Variants in NFATC2 observed in about 807,000 individuals in gnomAD.
NFATC2 encodes nuclear factor of activated T cells 2.
NFATC2 carries 22 observed loss-of-function variants against 87.3 expected under a neutral mutation model. The ratio of observed to expected loss-of-function variants is 0.25; its 90% CI spans 0.18 to 0.36. The LOEUF is 0.36. NFATC2 is among the 10% of genes least tolerant of loss of function. NFATC2 has a pLI of 1.00. For missense variants in NFATC2, 1,149 were observed against 1,259.1 expected, an observed-to-expected ratio of 0.91 and a Z score of 1.32; for synonymous variants, 565 against 542.2, an observed-to-expected ratio of 1.04 and a Z score of -0.58.
chr20:51,439,975 G>T (rs904973661), intron 6 of NFATC2, among the ~76,000 whole-genome samples: 1 of 152,196 alleles, frequency 6.6e-6, no homozygotes, highest in Non-Finnish European at 1.5e-5. Flanking sequence ...AGTGGCTCAC[G>T]CCTGTGATCC....
At position 51,395,745 on chromosome 20, in the gene NFATC2, T is replaced by TTTATATATAAAGAGGTGTTTC. The variant is rs550462684; in HGVS notation, c.*44+2877_*44+2897dup. Among the ~76,000 whole-genome samples the TTTATATATAAAGAGGTGTTTC allele has an allele frequency of 5.5e-3, 840 of 152,142 alleles. 6 individuals are homozygous for TTTATATATAAAGAGGTGTTTC. The highest frequency in any genetic ancestry group is 0.019 in the African/African-American group (793 of 41,490). On this transcript the variant is annotated intron_variant, in intron 10 of 10. Transcript: ENST00000371564. ...ATTTTCAGTATATATGACAAAGTCA[T>TTTATATATAAAGAGGTGTTTC]TTATATATAAAGAGGTGTTTCAACT...
At chr20:51,452,100 A>G (rs1985864361) in intron 6 of NFATC2, among the ~76,000 whole-genome samples, 1 of 152,004 alleles carries the variant, frequency 6.6e-6, no homozygotes, top group Non-Finnish European at 1.5e-5. Flanking sequence ...CCTAGAGCAG[A>G]CTTTACCTTC....
At chr20:51,485,605 G>A (rs1341398460) in intron 3 of NFATC2, among the ~76,000 whole-genome samples, 1 of 151,832 alleles carries the variant, frequency 6.6e-6, no homozygotes, top group East Asian at 1.9e-4. Flanking sequence ...CAGAACCAGT[G>A]TAACACTGAG....
intron 6 of NFATC2, among the ~76,000 whole-genome samples, chr20:51,449,221 T>C (rs1319210748): frequency 6.6e-6 from 1 of 152,052 alleles, no homozygotes; most frequent in Non-Finnish European, 1.5e-5. Context: ...TCCATGGAGA[T>C]GGGAACGGGG....
chr20:51,445,288 A>C (rs1390241551), intron 6 of NFATC2, among the ~76,000 whole-genome samples: 1 of 152,018 alleles, frequency 6.6e-6, no homozygotes, highest in Non-Finnish European at 1.5e-5. Context: ...CCCTAAGCTC[A>C]TCTCCACGCT....
chr20:51,418,220 G>A (rs531097264), intron 9 of NFATC2, among the ~76,000 whole-genome samples: 8 of 152,280 alleles, frequency 5.3e-5, no homozygotes, highest in South Asian at 2.1e-4. Context: ...CTCCTTCCCC[G>A]AAACACACAT....
chr20:51,436,827 C>T (rs77577225), intron 6 of NFATC2, among the ~76,000 whole-genome samples: 28 of 152,298 alleles, frequency 1.8e-4, no homozygotes, highest in Admixed American at 4.6e-4. Flanking sequence ...GTTAGAGAAG[C>T]GCCATGACAG....
At chr20:51,494,261 G>A (rs1348980480) in intron 3 of NFATC2, among the ~76,000 whole-genome samples, 3 of 152,084 alleles carry the variant, frequency 2.0e-5, no homozygotes, top group Non-Finnish European at 4.4e-5. Flanking sequence ...GCTCAGAGAG[G>A]CTAAGTCAGC....
intron 6 of NFATC2, among the ~76,000 whole-genome samples, chr20:51,452,053 C>T (rs1244798835): frequency 6.6e-6 from 1 of 152,120 alleles, no homozygotes; most frequent in Non-Finnish European, 1.5e-5. Context: ...TCCCTGGTGC[C>T]AAAAAGGTTG....
chr20:51,532,668 C>T (rs1036262594), intron 1 of NFATC2, among the ~76,000 whole-genome samples: 2 of 152,214 alleles, frequency 1.3e-5, no homozygotes, highest in Admixed American at 6.5e-5. Context: ...CTGAGGTGGC[C>T]GCTCGCTCAG....
At chr20:51,430,880 T>C (rs1982606259) in intron 9 of NFATC2, among the ~76,000 whole-genome samples, 1 of 152,210 alleles carries the variant, frequency 6.6e-6, no homozygotes, top group African/African-American at 2.4e-5. Context: ...TTTTCTGAAA[T>C]AATTGAGGTT....
chr20:51,417,512 T>A (rs1360470465), intron 9 of NFATC2, among the ~76,000 whole-genome samples: 1 of 152,102 alleles, frequency 6.6e-6, no homozygotes, highest in Non-Finnish European at 1.5e-5. Context: ...ACTCTCTTCC[T>A]CCCGGTCTCA....
At chr20:51,396,384 T>G (rs1397252819) in intron 10 of NFATC2, among the ~76,000 whole-genome samples, 1 of 151,896 alleles carries the variant, frequency 6.6e-6, no homozygotes, top group Non-Finnish European at 1.5e-5. Context: ...ATACTTCAGG[T>G]GCAATTTAAA....
At chr20:51,558,440 G>T (rs189559545) in intron 1 of NFATC2, among the ~76,000 whole-genome samples, 11 of 151,686 alleles carry the variant, frequency 7.3e-5, no homozygotes, top group Non-Finnish European at 1.5e-4. Context: ...ATGAGAAAAC[G>T]CATGAGAAAG....
chr20:51,561,431 A>AAAAGAAAGGAAGAAAG (rs1555822816), intron 1 of NFATC2, among the ~76,000 whole-genome samples: 37 of 110,248 alleles, frequency 3.4e-4, no homozygotes, highest in South Asian at 6.5e-4. Context: ...AGAGAGAAAG[A>AAAAGAAAGGAAGAAAG]AAAGAAAGAA....
upstream of NFATC2, among the ~76,000 whole-genome samples, chr20:51,545,790 AGGATAAAT>A (rs536703407): frequency 3.0e-3 from 460 of 152,200 alleles, no homozygotes; most frequent in African/African-American, 0.01. Flanking sequence ...GGATGGATGG[AGGATAAAT>A]GGATAAATGG....
chr20:51,434,134 G>A (rs1983209617), intron 8 of NFATC2, among the ~76,000 whole-genome samples: 1 of 152,198 alleles, frequency 6.6e-6, no homozygotes, highest in African/African-American at 2.4e-5. Context: ...TCCCAAGACA[G>A]CAGTGTCCTC....
chr20:51,492,288 G>A (rs1019069581), intron 3 of NFATC2, among the ~76,000 whole-genome samples: 1 of 150,626 alleles, frequency 6.6e-6, no homozygotes, highest in African/African-American at 2.4e-5. Flanking sequence ...GCCGCACCCC[G>A]CCGCTATTCT....
At chr20:51,401,795 T>C (rs1480064019) in intron 9 of NFATC2, among the ~76,000 whole-genome samples, 1 of 152,144 alleles carries the variant, frequency 6.6e-6, no homozygotes, top group Admixed American at 6.6e-5. Context: ...AGATGTAAAT[T>C]AGAAGTGGTT....
Sources: allele counts gnomAD v4.1 joint callset (sites outside exome capture counted in the v4.1 genomes callset), GRCh38; gene constraint gnomAD v4.1.1; transcripts MANE v1.5; gene names NCBI Gene and HGNC (gene_info 2026-07-23, HGNC 2026-07-21).